The following DSE variants were observed in gnomAD, a reference collection of about 807,000 sequenced individuals.
DSE encodes dermatan sulfate epimerase.
A neutral mutation model predicts 84.4 loss-of-function variants in DSE; 36 were observed. The observed-to-expected ratio is 0.43, with a 90% CI of 0.33 to 0.56. The LOEUF (loss-of-function observed/expected upper bound fraction) is 0.56. Ranked by LOEUF, DSE falls within the 20% of genes least tolerant of loss-of-function variation. The pLI is 0.06. For missense variants in DSE, 862 were observed against 1,169.6 expected (o/e 0.74, Z 3.84); for synonymous variants, 410 against 430.1 (o/e 0.95, Z 0.58).
chr6:116,280,122 G>T (rs9400898), intron 2 of DSE: 1 of 483,334 alleles, frequency 2.1e-6, no homozygotes. Flanking sequence ...CTGGAAGCGC[G>T]GACGACCCAC....
intron 1 of DSE, among the ~76,000 whole-genome samples, chr6:116,371,625 C>T (rs1229123531): frequency 6.6e-6 from 1 of 152,096 alleles, no homozygotes; most frequent in Non-Finnish European, 1.5e-5. Flanking sequence ...CCCTACTTTG[C>T]GGCTGCAGAA....
At chr6:116,269,030 G>A (rs72955921) in intron 2 of DSE, among the ~76,000 whole-genome samples, 5,665 of 132,112 alleles carry the variant, frequency 0.043, 155 homozygotes, top group African/African-American at 0.082. Flanking sequence ...AAAAAAAAAA[G>A]AAAAAAAAAA....
intron 2 of DSE, among the ~76,000 whole-genome samples, chr6:116,269,018 TAAAAAAAAAAAG>T (rs1201905359): frequency 6.9e-6 from 1 of 145,870 alleles, no homozygotes; most frequent in East Asian, 2.0e-4. Context: ...GATAATACTT[TAAAAAAAAAAAG>T]AAAAAAAAAA....
At chr6:116,370,431 C>G (rs896169004), upstream of DSE, 1 of 987,512 alleles carries the variant, frequency 1.0e-6, no homozygotes, top group African/African-American at 1.7e-5. Context: ...AGAGTAAAAC[C>G]GAATTCGAGA....
chr6:116,337,663 G>A (rs962530570), intron 2 of DSE, among the ~76,000 whole-genome samples: 3 of 151,956 alleles, frequency 2.0e-5, no homozygotes, highest in Non-Finnish European at 1.5e-5. Flanking sequence ...CTCTAATTGC[G>A]GCATTAATCC....
intron 1 of DSE, among the ~76,000 whole-genome samples, chr6:116,394,468 CTG>C (rs1484579519): frequency 1.3e-5 from 2 of 151,456 alleles, no homozygotes; most frequent in Non-Finnish European, 2.9e-5. Flanking sequence ...CAAGGTCTCA[CTG>C]TGTCACCCAG....
chr6:116,435,368 A>G (rs2115092768), intron 5 of DSE, among the ~76,000 whole-genome samples: 1 of 152,316 alleles, frequency 6.6e-6, no homozygotes, highest in Non-Finnish European at 1.5e-5. Context: ...GCCCAAACCC[A>G]AGGATCACAA....
At chr6:116,425,783 C>T (rs1054853987) in intron 2 of DSE, among the ~76,000 whole-genome samples, 23 of 151,444 alleles carry the variant, frequency 1.5e-4, no homozygotes, top group African/African-American at 2.9e-4. Context: ...CCAACACGCC[C>T]GGCTAATTTT....
At chr6:116,434,677 C>T (rs1784043919) in intron 5 of DSE, among the ~76,000 whole-genome samples, 1 of 152,114 alleles carries the variant, frequency 6.6e-6, no homozygotes, top group Admixed American at 6.5e-5. Flanking sequence ...GCCAATTCAG[C>T]TTACATCTAC....
rs764453945 is a variant in DSE, at chr6:116,258,693, C to G, written c.-328C>G. 11 of 1,606,184 alleles carry G rather than the reference C, an allele frequency of 6.8e-6. No homozygotes were observed. The Admixed American group carries it at 1.8e-4, about 27-fold the overall frequency. The stretch of plus-strand genomic sequence containing the variant: ...CCTGATTCACACGGCGAAGTGGGGA[C>G]ACGTCCACAGCCTGTCGTCTCACAG... On this transcript the variant is annotated 5_prime_UTR_variant, in exon 2 of 4. Transcript: ENST00000430252.
In DSE at chr6:116,439,945, CT is replaced by C. The variant is rs60527280; in HGVS notation, c.*2614del. 121 of 118,560 alleles carry C rather than the reference CT, an allele frequency of 1.0e-3. No homozygotes were observed. The highest frequency in any genetic ancestry group is 9.2e-3 in the East Asian group (39 of 4,244). The allele number at this position is 118,560 out of a possible 1,614,324, so 7.3% of individuals were successfully genotyped here. A position where few individuals can be genotyped will look rare whatever the true frequency, so the allele number is the denominator to read the frequency against. ...AGACAGAGTGAGACCGTGTTTCTCT[CT>C]TTTTTTTTTTTTTAAGTATATTCCC... is the stretch of plus-strand genomic sequence containing the variant. On this transcript the variant is annotated 3_prime_UTR_variant, in exon 6 of 6. Coordinates refer to ENST00000644252, the MANE Select transcript of DSE (RefSeq NM_013352.4).
At chr6:116,343,227 A>T (rs893795641) in intron 2 of DSE, among the ~76,000 whole-genome samples, 1 of 152,234 alleles carries the variant, frequency 6.6e-6, no homozygotes, top group Non-Finnish European at 1.5e-5. Flanking sequence ...GGCAGGGCAT[A>T]GCTGAACAAA....
intron 1 of DSE, among the ~76,000 whole-genome samples, chr6:116,389,079 G>A (rs1780737835): frequency 6.6e-6 from 1 of 152,148 alleles, no homozygotes. Flanking sequence ...GGGTCATGGT[G>A]CACTTCCCCT....
chr6:116,267,845 C>T (rs943997733), intron 2 of DSE, among the ~76,000 whole-genome samples: 1 of 151,428 alleles, frequency 6.6e-6, no homozygotes, highest in Non-Finnish European at 1.5e-5. Context: ...CACATCTAAC[C>T]ATGACAAAGC....
At chr6:116,349,337 C>T (rs1438271153) in intron 2 of DSE, among the ~76,000 whole-genome samples, 1 of 152,134 alleles carries the variant, frequency 6.6e-6, no homozygotes, top group Non-Finnish European at 1.5e-5. Flanking sequence ...AAGTTTCTGT[C>T]TTTTGCCAAA....
intron 2 of DSE, among the ~76,000 whole-genome samples, chr6:116,416,760 G>C (rs1310473760): frequency 6.6e-6 from 1 of 150,500 alleles, no homozygotes; most frequent in Non-Finnish European, 1.5e-5. Flanking sequence ...ACTGACAATT[G>C]CTAACTGGCA....
chr6:116,354,042 A>T (rs1778456211), intron 2 of DSE, among the ~76,000 whole-genome samples: 1 of 152,198 alleles, frequency 6.6e-6, no homozygotes, highest in Non-Finnish European at 1.5e-5. Context: ...TAGACTTCAG[A>T]TGGCTTCCAA....
At chr6:116,415,467 A>T (rs1013048162) in intron 2 of DSE, among the ~76,000 whole-genome samples, 4 of 151,956 alleles carry the variant, frequency 2.6e-5, no homozygotes, top group Admixed American at 6.6e-5. Flanking sequence ...TCAATATGGA[A>T]ACTTATCCCC....
chr6:116,316,822 AC>A (rs1776006499), intron 2 of DSE, among the ~76,000 whole-genome samples: 1 of 132,900 alleles, frequency 7.5e-6, no homozygotes, highest in Admixed American at 7.3e-5. Flanking sequence ...TACTACTACT[AC>A]TACTATTATT....
Sources: gnomAD v4.1 joint callset for allele counts (sites outside exome capture counted in the v4.1 genomes callset) on GRCh38, gnomAD v4.1.1 for gene constraint, MANE v1.5 for transcripts, NCBI Gene and HGNC (gene_info 2026-07-23, HGNC 2026-07-21) for gene names.